Variants in LARP4B observed in about 807,000 individuals in gnomAD.
LARP4B encodes the protein La ribonucleoprotein 4B, also known as la-related protein 4B.
LARP4B carries 12 observed loss-of-function variants against 89.8 expected under a neutral mutation model. The ratio of observed to expected loss-of-function variants is 0.13; its 90% confidence interval spans 0.09 to 0.22. The LOEUF is 0.22. LARP4B is among the 10% of genes least tolerant of loss of function. The probability of loss-of-function intolerance (pLI) is 1.00; values close to 1 mark genes in which losing one functional copy is unlikely to be tolerated. For synonymous variants in LARP4B, 367 were observed against 363.3 expected (o/e 1.01, Z -0.12); for missense variants, 757 against 947.7 (o/e 0.80, Z 2.64).
At chr10:877,138 G>T (rs911997996) in intron 3 of LARP4B, among the ~76,000 whole-genome samples, 4 of 152,210 alleles carry the variant, frequency 2.6e-5, no homozygotes, top group Admixed American at 6.5e-5. Flanking sequence ...GAGGGCAAAT[G>T]TGATGGGCCT....
upstream of LARP4B, among the ~76,000 whole-genome samples, chr10:936,172 C>A (rs2132086324): frequency 6.6e-6 from 1 of 152,178 alleles, no homozygotes; most frequent in East Asian, 1.9e-4. Flanking sequence ...CACTGAGTAC[C>A]TACGCGGTCT....
intron 11 of LARP4B, among the ~76,000 whole-genome samples, chr10:828,212 C>T (rs889633852): frequency 6.6e-5 from 10 of 152,196 alleles, no homozygotes; most frequent in African/African-American, 2.2e-4. Flanking sequence ...ACCCGGTGTA[C>T]GCTTCAGCTC....
the LARP4B span, among the ~76,000 whole-genome samples, chr10:959,890 T>TCCACCTCCTCCTCAACC: frequency 8.4e-6 from 1 of 118,380 alleles, no homozygotes; most frequent in Non-Finnish European, 1.7e-5. Context: ...TCCTCGTCAA[T>TCCACCTCCTCCTCAACC]CCACCTCCTC....
At chr10:887,068 C>A (rs1174707490) in intron 1 of LARP4B, among the ~76,000 whole-genome samples, 1 of 151,178 alleles carries the variant, frequency 6.6e-6, no homozygotes, top group Non-Finnish European at 1.5e-5. Context: ...GACTGGGCAA[C>A]AAGAGTGAAA....
At chr10:921,456 T>A (rs1395422164) in intron 1 of LARP4B, among the ~76,000 whole-genome samples, 1 of 152,014 alleles carries the variant, frequency 6.6e-6, no homozygotes, top group Non-Finnish European at 1.5e-5. Flanking sequence ...CTATTCTCAA[T>A]AACAGAATAA....
the LARP4B span, among the ~76,000 whole-genome samples, chr10:944,486 C>T: frequency 6.6e-6 from 1 of 152,192 alleles, no homozygotes; most frequent in Non-Finnish European, 1.5e-5. Flanking sequence ...GTCTCTGCTT[C>T]CCCATCTGCA....
chr10:825,211 A>C lies in LARP4B; in HGVS notation c.1338T>G (p.Ile446Met). The C allele has an allele frequency of 6.2e-7, 1 of 1,614,194 alleles. No homozygotes were observed. The highest frequency in any genetic ancestry group is 1.1e-5 in the South Asian group (1 of 91,082). ...TTGTTTGTGGACTCCGGACACCATTAATTAATCGATCTGCAGTGAAGTTAA... is the reference window on the plus strand; with the variant it reads ...TTGTTTGTGGACTCCGGACACCATTCATTAATCGATCTGCAGTGAAGTTAA... The part of the protein sequence containing the change: ...SIFNFTADRL[I>M]NGVRSPQTRQ... Residue 446 changes from isoleucine to methionine, a missense_variant, in exon 13 of 18, where the codon ATT (isoleucine) becomes ATG (methionine). Transcript: ENST00000316157.
chr10:965,253 G>A, the LARP4B span, among the ~76,000 whole-genome samples: 5 of 152,206 alleles, frequency 3.3e-5, no homozygotes, highest in African/African-American at 4.8e-5. Context: ...CGTCTCCCAC[G>A]GTGGTGCTCA....
the LARP4B span, among the ~76,000 whole-genome samples, chr10:981,392 C>G: frequency 5.6e-3 from 860 of 152,314 alleles, 6 homozygotes; most frequent in Non-Finnish European, 9.3e-3. Flanking sequence ...ATGCTCCACT[C>G]GTTGGTACCA....
chr10:894,871 C>G (rs370606550), intron 1 of LARP4B, among the ~76,000 whole-genome samples: 1 of 152,152 alleles, frequency 6.6e-6, no homozygotes, highest in Non-Finnish European at 1.5e-5. Flanking sequence ...AGTATCCTCT[C>G]TACTTCTATG....
the LARP4B span, chr10:972,418 T>C: frequency 9.3e-6 from 4 of 430,204 alleles, no homozygotes; most frequent in Admixed American, 7.8e-5. Context: ...TCCAGAAACA[T>C]GAGCCAAAAA....
chr10:845,034 T>A lies in LARP4B; in HGVS notation c.452A>T (p.Asp151Val). The change falls in exon 6 of 18, where the codon GAC becomes GTC. Residue 151 changes from aspartate to valine, a missense_variant. By Grantham distance (152) the Asp-to-Val change is radical (BLOSUM62 -3). This residue lies in a region of LARP4B where 54 missense variants were observed against 96.0 expected (regional missense o/e 0.56). Transcript: ENST00000316157. ...TACTTCTCGGGGGTCTTCCTGGCTG[T>A]CTGGTTGAGACTCATTTCCTCCTAC... ...SETGGNESQP[D>V]SQEDPREVLK... 6.2e-7 allele frequency: 1 copy of A among 1,610,742 alleles called. No individual in the cohort carries two copies. The highest frequency in any genetic ancestry group is 8.5e-7 in the Non-Finnish European group (1 of 1,179,456).
At chr10:868,555 T>C (rs776324619) in intron 3 of LARP4B, among the ~76,000 whole-genome samples, 6 of 152,230 alleles carry the variant, frequency 3.9e-5, no homozygotes, top group African/African-American at 7.2e-5. Context: ...GCATCATTTA[T>C]GCTCTTTGTT....
At chr10:911,392 C>T (rs1180938080) in intron 1 of LARP4B, among the ~76,000 whole-genome samples, 1 of 151,946 alleles carries the variant, frequency 6.6e-6, no homozygotes, top group African/African-American at 2.4e-5. Context: ...TCTTTTGGAT[C>T]CTGTTTCTGG....
chr10:848,092 G>A (rs892787336), intron 5 of LARP4B, among the ~76,000 whole-genome samples: 3 of 152,210 alleles, frequency 2.0e-5, no homozygotes, highest in South Asian at 2.1e-4. Flanking sequence ...CCCAAGGCTC[G>A]TGGAAGAACC....
the LARP4B span, among the ~76,000 whole-genome samples, chr10:981,346 A>G: frequency 2.0e-5 from 3 of 152,132 alleles, no homozygotes; most frequent in Non-Finnish European, 4.4e-5. Context: ...ACCTAGTTCC[A>G]AAGTTAATTT....
the LARP4B span, among the ~76,000 whole-genome samples, chr10:982,172 G>A: frequency 7.1e-5 from 10 of 141,464 alleles, no homozygotes; most frequent in Non-Finnish European, 1.0e-4. Context: ...CTGGAGTGCA[G>A]TGGCACAATC....
At chr10:904,034 C>G (rs1415222555) in intron 1 of LARP4B, among the ~76,000 whole-genome samples, 1 of 151,770 alleles carries the variant, frequency 6.6e-6, no homozygotes, top group African/African-American at 2.4e-5. Context: ...ATCTGAAAAT[C>G]TGAAATCTGA....
rs1346666145 is a variant in LARP4B, at chr10:863,791, C to T, written c.382G>A (p.Ala128Thr). 8.1e-6 allele frequency: 13 copies of T among 1,613,958 alleles called. No homozygotes were observed. The highest frequency in any genetic ancestry group is 2.7e-5 in the African/African-American group (2 of 74,918). ...GAGTCATATTCTGAGGGACCCAGAG[C>T]GAGAGCGTTCATGTCTGCTGGGTCC... ...ESDPADMNAL[A>T]LGPSEYDSLP... Residue 128 changes from alanine to threonine, a missense_variant, in exon 5 of 18, where the codon GCT (alanine) becomes ACT (threonine). Ala to Thr is a moderately conservative substitution (Grantham distance 58). Transcript: ENST00000316157.
Sources: gnomAD v4.1 joint callset for allele counts (sites outside exome capture counted in the v4.1 genomes callset) on GRCh38, gnomAD v4.1.1 for gene constraint, gnomAD v4.1.1 regional missense constraint, MANE v1.5 for transcripts, NCBI Gene and HGNC (gene_info 2026-07-23, HGNC 2026-07-21) for gene names.